BAG1: variants seen among roughly 807,000 people sequenced by gnomAD.
The protein encoded by BAG1 is BAG cochaperone 1, also known as BAG family molecular chaperone regulator 1.
Under a neutral mutation model 35.5 loss-of-function variants are expected in BAG1, and 35 were observed. The observed-to-expected ratio is 0.99, with a 90% CI of 0.75 to 1.31. The LOEUF (loss-of-function observed/expected upper bound fraction) is 1.31. Ranked by LOEUF, BAG1 falls within the 50% of genes most tolerant of loss-of-function variation. BAG1 has a pLI of 0.00. For synonymous variants in BAG1, 191 were observed against 178.9 expected (o/e 1.07, Z -0.54); for missense variants, 464 against 453.6 (o/e 1.02, Z -0.21).
chr9:33,255,321 C>T lies in BAG1; in HGVS notation c.949-13G>A. ...CGGCTAGGAATGCCTAGAAAATACA[C>T]ACGGGGCAGTAAGGGCCCATCCAGG... On this transcript the variant is annotated splice_polypyrimidine_tract_variant and intron_variant, in intron 6 of 6. Transcript: ENST00000634734. 2 of 1,614,154 alleles carry T rather than the reference C, an allele frequency of 1.2e-6. No individual in the cohort carries two copies. Among genetic ancestry groups the T allele is most frequent in the Non-Finnish European group, 1.7e-6 (2 of 1,180,026 alleles).
Position 33,254,795 on chromosome 9 carries a change from G to A in BAG1, c.*424C>T, listed in dbSNP as rs1820415922. Reference sequence around the variant, plus strand: ...TATTCCTGACTAGGTGCAACCTCCTGGTGATTCTGGTTTTACAGCTATGGG... The same window carrying A: ...TATTCCTGACTAGGTGCAACCTCCTAGTGATTCTGGTTTTACAGCTATGGG... On this transcript the variant is annotated 3_prime_UTR_variant, in exon 7 of 7. Coordinates refer to ENST00000634734, the MANE Select transcript of BAG1 (RefSeq NM_004323.6). 2.9e-6 allele frequency: 1 copy of A among 339,040 alleles called. No homozygotes were observed. Among genetic ancestry groups the A allele is most frequent in the Non-Finnish European group, 5.7e-6 (1 of 174,482 alleles). The allele number at this position is 339,040 out of a possible 1,614,324, so 21.0% of individuals were successfully genotyped here. A position where few individuals can be genotyped will look rare whatever the true frequency, so the allele number is the denominator to read the frequency against.
Position 33,254,995 on chromosome 9 carries a change from T to A in BAG1, c.*224A>T. ...GTGGCCCTCTCCAGAAAAGGTGGAT[T>A]GCTGGACAGTACAACCACAGAGACA... On this transcript the variant is annotated 3_prime_UTR_variant, in exon 7 of 7. Coordinates refer to ENST00000634734, the MANE Select transcript of BAG1 (RefSeq NM_004323.6). 1 of 1,492,966 alleles carries A rather than the reference T, an allele frequency of 6.7e-7. No homozygotes were observed. Among genetic ancestry groups the A allele is most frequent in the Non-Finnish European group, 9.0e-7 (1 of 1,110,620 alleles). The allele number at this position is 1,492,966 out of a possible 1,614,324, so 92.5% of individuals were successfully genotyped here. A position where few individuals can be genotyped will look rare whatever the true frequency, so the allele number is the denominator to read the frequency against.
intron 2 of BAG1, 123 bp downstream of exon 2, chr9:33,262,579 T>C (rs759778881): frequency 1.9e-4 from 197 of 1,040,546 alleles, no homozygotes; most frequent in Non-Finnish European, 2.5e-4. Context: ...ATCACTTGAA[T>C]CCGGGAGGCG....
Position 33,258,904 on chromosome 9 carries a change from C to T in BAG1, c.777+16G>A. ...CTGATAGAAGGCAGAAAGTTAAGGT[C>T]CATGAAGAGAGTTACCTGCTGGATT... On this transcript the variant is annotated intron_variant, in intron 4 of 6. Transcript: ENST00000634734. 1.2e-6 allele frequency: 2 copies of T among 1,603,760 alleles called. No individual in the cohort carries two copies. The highest frequency in any genetic ancestry group is 8.5e-7 in the Non-Finnish European group (1 of 1,170,666).
rs1242260182 is a variant in BAG1, at chr9:33,254,957, A to G, written c.*262T>C. On this transcript the variant is annotated 3_prime_UTR_variant, in exon 7 of 7. Coordinates refer to ENST00000634734, the MANE Select transcript of BAG1 (RefSeq NM_004323.6). ...ACCCAGAGGTCCAAACAGCTGGGAA[A>G]ATTTGGGCAGAGGTGGCCCTCTCCA... The G allele has an allele frequency of 6.6e-6, 9 of 1,362,578 alleles. No individual in the cohort carries two copies. Among genetic ancestry groups the G allele is most frequent in the Non-Finnish European group, 8.8e-6 (9 of 1,026,126 alleles). The allele number at this position is 1,362,578 out of a possible 1,614,324, so 84.4% of individuals were successfully genotyped here.
chr9:33,260,741 G>A (rs1392148825), intron 3 of BAG1, among the ~76,000 whole-genome samples: 1 of 152,192 alleles, frequency 6.6e-6, no homozygotes, highest in Admixed American at 6.5e-5. Flanking sequence ...ATATCTACAA[G>A]TTTATTTTAA....
At chr9:33,255,704 A>T (rs938631018) in intron 6 of BAG1, among the ~76,000 whole-genome samples, 161 bp downstream of exon 6, 1 of 152,254 alleles carries the variant, frequency 6.6e-6, no homozygotes, top group African/African-American at 2.4e-5. Context: ...ACAGGGACAC[A>T]GGTGGCTCTT....
rs953597014 is a variant in BAG1, at chr9:33,262,005, T to C, written c.580+697A>G. ...TTATTTTAACAGAGAAATCAGATGT[T>C]AAGCAACTAAGAAAATGATTATTTA... On this transcript the variant is annotated intron_variant, in intron 2 of 6. Coordinates refer to ENST00000634734, the MANE Select transcript of BAG1 (RefSeq NM_004323.6). The C allele has an allele frequency of 1.1e-5, 13 of 1,190,738 alleles. No homozygotes were observed. In the African/African-American group the frequency reaches 2.1e-4, roughly 19 times the overall value. The allele number at this position is 1,190,738 out of a possible 1,614,324, so 73.8% of individuals were successfully genotyped here. A position where few individuals can be genotyped will look rare whatever the true frequency, so the allele number is the denominator to read the frequency against.
intron 3 of BAG1, chr9:33,260,018 T>C (rs555830268): frequency 6.6e-6 from 1 of 152,336 alleles, no homozygotes; most frequent in South Asian, 2.1e-4. Flanking sequence ...TTTTTTGAGA[T>C]AGGGTCTCAC....
chr9:33,262,427 C>T (rs1162779673), intron 2 of BAG1, among the ~76,000 whole-genome samples: 8 of 151,988 alleles, frequency 5.3e-5, no homozygotes, highest in African/African-American at 1.5e-4. Context: ...GAGGCCGAGG[C>T]GGGTGGATCA....
Position 33,254,950 on chromosome 9 carries a change from C to T in BAG1, c.*269G>A, listed in dbSNP as rs779659187. 7 of 1,330,542 alleles carry T rather than the reference C, an allele frequency of 5.3e-6. No individual in the cohort carries two copies. The highest frequency in any genetic ancestry group is 1.5e-5 in the African/African-American group (1 of 66,858). 82.4% of individuals were successfully genotyped at this position (1,330,542 alleles called of 1,614,324 possible). On this transcript the variant is annotated 3_prime_UTR_variant, in exon 7 of 7. Transcript: ENST00000634734. ...AGAAAGCACCCAGAGGTCCAAACAG[C>T]TGGGAAAATTTGGGCAGAGGTGGCC...
chr9:33,264,405 C>G lies in BAG1; in HGVS notation c.270G>C (p.Glu90Asp), dbSNP rs1286256076. 4.4e-6 allele frequency: 7 copies of G among 1,602,986 alleles called. No individual in the cohort carries two copies. The South Asian group carries it at 5.5e-5, about 13-fold the overall frequency. Reference sequence around the variant, plus strand: ...TCGCTTCCTCACTCAGGGTCAACTCCTCGCTCCGGGTCAACTCCTCGCTCC... The same window carrying G: ...TCGCTTCCTCACTCAGGGTCAACTCGTCGCTCCGGGTCAACTCCTCGCTCC... The change falls in exon 1 of 7, where the codon GAG becomes GAC. Residue 90 changes from glutamate to aspartate, a missense_variant. Physicochemically the swap from Glu to Asp is conservative, Grantham distance 45. Transcript: ENST00000634734.
At position 33,264,556 on chromosome 9, in the gene BAG1, C is replaced by T; in HGVS notation, c.119G>A (p.Gly40Asp). The change falls in exon 1 of 7, where the codon GGT becomes GAT. Residue 40 changes from glycine to aspartate, a missense_variant. By Grantham distance (94) the Gly-to-Asp change is moderately conservative. Transcript: ENST00000634734. Reference sequence around the variant, plus strand: ...AGGTGGACGCCCAGAGGGAGGCGGACCACGCTGGGCCGGGGGCTCCGACTG... The same window carrying T: ...AGGTGGACGCCCAGAGGGAGGCGGATCACGCTGGGCCGGGGGCTCCGACTG... The T allele has an allele frequency of 6.8e-7, 1 of 1,475,420 alleles. No homozygotes were observed. Among genetic ancestry groups the T allele is most frequent in the South Asian group, 1.4e-5 (1 of 73,676 alleles). The allele number at this position is 1,475,420 out of a possible 1,614,324, so 91.4% of individuals were successfully genotyped here.
At chr9:33,263,283 A>G (rs1243112031) in intron 1 of BAG1, among the ~76,000 whole-genome samples, 1 of 152,094 alleles carries the variant, frequency 6.6e-6, no homozygotes, top group Non-Finnish European at 1.5e-5. Context: ...ACTGCCCTGT[A>G]CCCTGTATTG....
At position 33,264,591 on chromosome 9, in the gene BAG1, C is replaced by T. The variant is rs1194779866; in HGVS notation, c.84G>A (p.Arg28=). 3 of 1,391,078 alleles carry T rather than the reference C, an allele frequency of 2.2e-6. No homozygotes were observed. In the African/African-American group the frequency reaches 4.6e-5, roughly 21 times the overall value. The allele number at this position is 1,391,078 out of a possible 1,614,324, so 86.2% of individuals were successfully genotyped here. A position where few individuals can be genotyped will look rare whatever the true frequency, so the allele number is the denominator to read the frequency against. The change falls in exon 1 of 7, where the codon CGG becomes CGA. Residue 28 remains arginine (R), a synonymous_variant. Transcript: ENST00000634734. ...CCGGGGGCTCCGACTGGCGCGGCTC[C>T]CGGCCTGGCCGAAGGGCGCGCAGCC...
intron 5 of BAG1, 128 bp downstream of exon 5, chr9:33,256,673 T>C (rs1205967162): frequency 4.1e-6 from 3 of 738,760 alleles, no homozygotes; most frequent in East Asian, 2.6e-5. Flanking sequence ...TGGCACACAA[T>C]AGTAGATGCT....
At chr9:33,263,208 T>C (rs745981908) in intron 1 of BAG1, among the ~76,000 whole-genome samples, 1 of 152,354 alleles carries the variant, frequency 6.6e-6, no homozygotes, top group Non-Finnish European at 1.5e-5. Context: ...CAGAAGTTGA[T>C]ATCAGATCTA....
intron 1 of BAG1, among the ~76,000 whole-genome samples, chr9:33,263,567 C>A (rs1431905792): frequency 7.8e-6 from 1 of 128,376 alleles, no homozygotes; most frequent in Non-Finnish European, 1.6e-5. Flanking sequence ...AAATCTACTT[C>A]ACAGAGGAGA....
chr9:33,256,050 C>T, intron 5 of BAG1, 123 bp from the exon 6 acceptor site: 1 of 862,966 alleles, frequency 1.2e-6, no homozygotes, highest in Non-Finnish European at 1.9e-6. Flanking sequence ...GGTCACAGGT[C>T]ACCAATGTAA....
Sources: allele counts gnomAD v4.1 joint callset (sites outside exome capture counted in the v4.1 genomes callset), GRCh38; gene constraint gnomAD v4.1.1; transcripts MANE v1.5; gene names NCBI Gene and HGNC (gene_info 2026-07-23, HGNC 2026-07-21).